RGL1: variants seen among roughly 807,000 people sequenced by gnomAD.
The protein encoded by RGL1 is ral guanine nucleotide dissociation stimulator-like 1.
In RGL1, 24 loss-of-function variants were observed where a neutral mutation model predicts 95.2. The observed-to-expected ratio is 0.25, with a 90% CI of 0.18 to 0.35. The LOEUF is 0.35. Ranked by LOEUF, RGL1 falls within the 10% of genes least tolerant of loss-of-function variation. RGL1 has a pLI of 1.00. For synonymous variants in RGL1, 329 were observed against 344.9 expected (o/e 0.95, Z 0.51); for missense variants, 715 against 936.3 (o/e 0.76, Z 3.08).
chr1:183,754,136 G>A (rs1390677816), intron 2 of RGL1, among the ~76,000 whole-genome samples: 1 of 152,056 alleles, frequency 6.6e-6, no homozygotes, highest in Non-Finnish European at 1.5e-5. Context: ...TAAATTCTAA[G>A]GAGAAAATGA....
At chr1:183,668,327 A>T (rs773916622) in intron 1 of RGL1, among the ~76,000 whole-genome samples, 2 of 152,144 alleles carry the variant, frequency 1.3e-5, no homozygotes, top group African/African-American at 4.8e-5. Flanking sequence ...GTGGAATTCT[A>T]GGTTGATGAG....
chr1:183,772,581 G>C (rs1227518880), intron 2 of RGL1, among the ~76,000 whole-genome samples: 1 of 152,194 alleles, frequency 6.6e-6, no homozygotes, highest in Non-Finnish European at 1.5e-5. Flanking sequence ...CCTGGCATCT[G>C]AGAAAGTTAC....
chr1:183,919,838 T>C (rs1008928237), intron 16 of RGL1, among the ~76,000 whole-genome samples: 2 of 152,174 alleles, frequency 1.3e-5, no homozygotes, highest in East Asian at 3.8e-4. Flanking sequence ...GCGCATTCAG[T>C]ACAGCAGCCA....
At chr1:183,905,273 T>C (rs779818168) in intron 13 of RGL1, among the ~76,000 whole-genome samples, 11 of 152,206 alleles carry the variant, frequency 7.2e-5, no homozygotes, top group East Asian at 3.8e-4. Flanking sequence ...TAAGATCTTA[T>C]GTGGGAATGC....
chr1:183,689,547 T>G (rs1653818908), intron 1 of RGL1, among the ~76,000 whole-genome samples: 1 of 152,238 alleles, frequency 6.6e-6, no homozygotes, highest in Non-Finnish European at 1.5e-5. Flanking sequence ...GCCTTGTATG[T>G]AACTCTGTTA....
At chr1:183,842,351 T>G (rs1002140612) in intron 2 of RGL1, among the ~76,000 whole-genome samples, 11 of 151,746 alleles carry the variant, frequency 7.2e-5, no homozygotes, top group Admixed American at 6.6e-4. Flanking sequence ...TTTTTCAAAT[T>G]AGAAACACCC....
At chr1:183,844,236 G>A (rs929719860) in intron 2 of RGL1, among the ~76,000 whole-genome samples, 5 of 152,040 alleles carry the variant, frequency 3.3e-5, no homozygotes, top group African/African-American at 1.2e-4. Context: ...TGACATTTTT[G>A]TATTAATAAA....
chr1:183,725,179 A>G (rs1191108707), intron 1 of RGL1, among the ~76,000 whole-genome samples: 1 of 152,180 alleles, frequency 6.6e-6, no homozygotes, highest in Non-Finnish European at 1.5e-5. Flanking sequence ...CCTAATGCAG[A>G]TACAGCTGCA....
At chr1:183,892,882 A>G (rs1277658458) in intron 9 of RGL1, among the ~76,000 whole-genome samples, 1 of 152,254 alleles carries the variant, frequency 6.6e-6, no homozygotes, top group African/African-American at 2.4e-5. Flanking sequence ...TTATCCTCAT[A>G]GTCTTTCTAT....
At chr1:183,778,873 G>T (rs568137197) in intron 2 of RGL1, among the ~76,000 whole-genome samples, 1 of 152,308 alleles carries the variant, frequency 6.6e-6, no homozygotes, top group South Asian at 2.1e-4. Flanking sequence ...TGGATTCAGT[G>T]CTCCTTTGAA....
At chr1:183,650,401 G>C (rs138050289) in intron 1 of RGL1, among the ~76,000 whole-genome samples, 1 of 152,058 alleles carries the variant, frequency 6.6e-6, no homozygotes. Context: ...AAATTAGCCA[G>C]GTGTGGTGGC....
At chr1:183,878,637 A>G (rs763950315) in intron 4 of RGL1, among the ~76,000 whole-genome samples, 5 of 152,200 alleles carry the variant, frequency 3.3e-5, no homozygotes, top group Non-Finnish European at 7.3e-5. Context: ...GTTTATGTAC[A>G]TTTGTAAGAC....
chr1:183,872,388 A>G (rs1666234909), intron 4 of RGL1, among the ~76,000 whole-genome samples: 1 of 152,158 alleles, frequency 6.6e-6, no homozygotes, highest in South Asian at 2.1e-4. Flanking sequence ...CTTTCCTTTA[A>G]TGACTATTAT....
chr1:183,789,753 G>C (rs1220097584), intron 2 of RGL1, among the ~76,000 whole-genome samples: 1 of 152,064 alleles, frequency 6.6e-6, no homozygotes, highest in African/African-American at 2.4e-5. Context: ...AAACAAGAAG[G>C]AATTTTCTTT....
Position 183,927,189 on chromosome 1 carries a change from C to T in RGL1, c.*897C>T, listed in dbSNP as rs182536988. On this transcript the variant is annotated 3_prime_UTR_variant, in exon 18 of 18. Coordinates refer to ENST00000360851, the MANE Select transcript of RGL1 (RefSeq NM_001297671.3). ...AATGGTGACTCATTTGGACTCTTATCTGTCTTGGAATGTCACTGCTTCATT... is the reference window on the plus strand; with the variant it reads ...AATGGTGACTCATTTGGACTCTTATTTGTCTTGGAATGTCACTGCTTCATT... 4 of 152,728 alleles carry T rather than the reference C, an allele frequency of 2.6e-5. No homozygotes were observed. Among genetic ancestry groups the T allele is most frequent in the East Asian group, 3.9e-4 (2 of 5,192 alleles). The allele number at this position is 152,728 out of a possible 1,614,324, so 9.5% of individuals were successfully genotyped here. A position where few individuals can be genotyped will look rare whatever the true frequency, so the allele number is the denominator to read the frequency against.
chr1:183,897,816 C>G lies in RGL1; in HGVS notation c.1149C>G (p.Thr383=). 1 of 1,613,736 alleles carries G rather than the reference C, an allele frequency of 6.2e-7. No individual in the cohort carries two copies. Among genetic ancestry groups the G allele is most frequent in the Non-Finnish European group, 8.5e-7 (1 of 1,179,728 alleles). The change falls in exon 10 of 18, where the codon ACC becomes ACG. Residue 383 remains threonine (T), a synonymous_variant. Transcript: ENST00000360851. ...GCATTTCTGTTTCTCAGGAAGGAAC[C>G]TCAAAATTTGCAAACCTGGACAGCA... The part of the protein sequence containing the change: ...TSRELLMKEG[T]SKFANLDSSV...
At chr1:183,681,025 G>A (rs1653176401) in intron 1 of RGL1, among the ~76,000 whole-genome samples, 1 of 152,160 alleles carries the variant, frequency 6.6e-6, no homozygotes, top group Non-Finnish European at 1.5e-5. Context: ...CATTGATTTT[G>A]TATCCTGAGA....
intron 1 of RGL1, among the ~76,000 whole-genome samples, chr1:183,684,456 C>T (rs963052691): frequency 1.3e-5 from 2 of 152,190 alleles, no homozygotes; most frequent in African/African-American, 4.8e-5. Flanking sequence ...GCTCGAGCGT[C>T]CCAGGTCGAC....
At chr1:183,915,708 T>A (rs183066512) in intron 15 of RGL1, among the ~76,000 whole-genome samples, 31 of 152,372 alleles carry the variant, frequency 2.0e-4, no homozygotes, top group African/African-American at 6.7e-4. Context: ...AAGTTCATGA[T>A]AAGCCTCACA....
Sources: allele counts gnomAD v4.1 joint callset (sites outside exome capture counted in the v4.1 genomes callset), GRCh38; gene constraint gnomAD v4.1.1; transcripts MANE v1.5; gene names NCBI Gene and HGNC (gene_info 2026-07-23, HGNC 2026-07-21).